Variants in SSH2 observed in about 807,000 individuals in gnomAD.
SSH2 encodes the protein protein phosphatase Slingshot homolog 2.
SSH2 carries 37 observed loss-of-function variants against 135.2 expected under a neutral mutation model. The ratio of observed to expected loss-of-function variants is 0.27; its 90% CI spans 0.21 to 0.36. The LOEUF is 0.36. SSH2 is among the 10% of genes least tolerant of loss of function. SSH2 has a pLI of 1.00. For missense variants in SSH2, 1,408 were observed against 1,765.3 expected, an observed-to-expected ratio of 0.80 and a Z score of 3.63; for synonymous variants, 628 against 646.2, an observed-to-expected ratio of 0.97 and a Z score of 0.43.
chr17:29,856,062 G>C lies in SSH2; in HGVS notation c.64-7133C>G, dbSNP rs533822818. On this transcript the variant is annotated intron_variant, in intron 1 of 15. Transcript: ENST00000540801. ...GCATACTCCTTTCCCCATCAACTTA[G>C]TTATCCAGGAGCATGGGTCTCTTGA... The C allele has an allele frequency of 1.4e-4, 48 of 350,392 alleles. 1 individual carries two copies. The highest frequency in any genetic ancestry group is 1.1e-3 in the South Asian group (47 of 41,742). The allele number at this position is 350,392 out of a possible 1,614,324, so 21.7% of individuals were successfully genotyped here.
chr17:29,742,675 C>T (rs1012075570), intron 3 of SSH2, among the ~76,000 whole-genome samples: 11 of 151,740 alleles, frequency 7.2e-5, no homozygotes, highest in African/African-American at 2.7e-4. Context: ...CACTCTGTCA[C>T]CCAGGCTGGA....
At chr17:29,738,550 A>ATTTTCTTTTTTTTTTTTTTTTTT (rs1567933036) in intron 3 of SSH2, among the ~76,000 whole-genome samples, 4 of 137,372 alleles carry the variant, frequency 2.9e-5, no homozygotes, top group Non-Finnish European at 4.8e-5. Flanking sequence ...TTTCTTTTTT[A>ATTTTCTTTTTTTTTTTTTTTTTT]TTTTATTTTA....
In SSH2 at chr17:29,741,934, CTT is replaced by C. The variant is rs71138848; in HGVS notation, c.189-38874_189-38873del. Among the ~76,000 whole-genome samples, 484 of 97,914 alleles carry C rather than the reference CTT, an allele frequency of 4.9e-3. 1 individual carries two copies. Among genetic ancestry groups the C allele is most frequent in the African/African-American group, 0.017 (423 of 24,802 alleles). The allele number at this position is 97,914 out of a possible 152,430, so 64.2% of individuals were successfully genotyped here. On this transcript the variant is annotated intron_variant, in intron 3 of 15. Transcript: ENST00000540801. ...CCAGCCAGCAATCTCATTTTTTTTT[CTT>C]TTTTTTTTTTTTTTTTTTGATGGAG... is the stretch of plus-strand genomic sequence containing the variant.
At chr17:29,835,078 C>G (rs79227820) in intron 2 of SSH2, among the ~76,000 whole-genome samples, 1 of 152,286 alleles carries the variant, frequency 6.6e-6, no homozygotes, top group African/African-American at 2.4e-5. Context: ...AACCAATCAT[C>G]AGGTAAGATG....
chr17:29,712,992 C>T (rs1444797018), intron 3 of SSH2, among the ~76,000 whole-genome samples: 1 of 152,152 alleles, frequency 6.6e-6, no homozygotes, highest in Non-Finnish European at 1.5e-5. Context: ...GATGTTATTA[C>T]AACAGGACAT....
chr17:29,905,655 C>T (rs1237856276), intron 1 of SSH2, among the ~76,000 whole-genome samples: 3 of 152,178 alleles, frequency 2.0e-5, no homozygotes, highest in Non-Finnish European at 4.4e-5. Flanking sequence ...CAGTGGGAGG[C>T]AGACAGAGTG....
At chr17:29,715,515 G>A (rs1567909269) in intron 3 of SSH2, among the ~76,000 whole-genome samples, 1 of 152,068 alleles carries the variant, frequency 6.6e-6, no homozygotes, top group Non-Finnish European at 1.5e-5. Flanking sequence ...AAAGTGCTGC[G>A]ATTACAGGCG....
At chr17:29,918,006 C>A (rs1254502282) in intron 1 of SSH2, among the ~76,000 whole-genome samples, 1 of 151,870 alleles carries the variant, frequency 6.6e-6, no homozygotes. Context: ...AAAGTGAGAT[C>A]CCCATCTCTA....
At chr17:29,899,483 T>A (rs1171165289) in intron 1 of SSH2, among the ~76,000 whole-genome samples, 3 of 151,868 alleles carry the variant, frequency 2.0e-5, no homozygotes, top group Non-Finnish European at 4.4e-5. Flanking sequence ...TATACACCAA[T>A]AACAGACAAA....
chr17:29,761,887 A>ATATAT (rs1189981277), intron 3 of SSH2, among the ~76,000 whole-genome samples: 1 of 143,602 alleles, frequency 7.0e-6, no homozygotes, highest in African/African-American at 2.7e-5. Context: ...ATATATATAT[A>ATATAT]TTTTTTTTTG....
At chr17:29,716,189 G>A (rs2039616105) in intron 3 of SSH2, 1 of 221,830 alleles carries the variant, frequency 4.5e-6, no homozygotes, top group Non-Finnish European at 9.0e-6. Context: ...GCTTAAGTCT[G>A]GTCTCTCATA....
intron 3 of SSH2, among the ~76,000 whole-genome samples, chr17:29,709,015 T>TATATAGAGAGAGAGAGAGAG (rs780981175): frequency 6.0e-4 from 49 of 81,586 alleles, no homozygotes; most frequent in Non-Finnish European, 8.6e-4. Context: ...TATATATATA[T>TATATAGAGAGAGAGAGAGAG]AGAGAGAGAG....
intron 3 of SSH2, among the ~76,000 whole-genome samples, chr17:29,778,496 C>T (rs969322350): frequency 5.3e-5 from 8 of 151,790 alleles, no homozygotes; most frequent in African/African-American, 1.9e-4. Context: ...AAAAATCAGC[C>T]GGGCATGGTG....
chr17:29,899,074 C>A (rs999818391), intron 1 of SSH2, among the ~76,000 whole-genome samples: 6 of 152,130 alleles, frequency 3.9e-5, no homozygotes, highest in Non-Finnish European at 7.3e-5. Context: ...TGACAAAATT[C>A]AACAACCTTC....
chr17:29,654,188 ATTTACTGAGCACCCTCTTG>A (rs2036691535), intron 12 of SSH2, among the ~76,000 whole-genome samples: 1 of 152,194 alleles, frequency 6.6e-6, no homozygotes, highest in Non-Finnish European at 1.5e-5. Flanking sequence ...ATTCATTCAC[ATTTACTGAGCACCCTCTTG>A]TTATACAGCT....
chr17:29,925,408 T>C (rs1476749962), intron 1 of SSH2: 1 of 397,060 alleles, frequency 2.5e-6, no homozygotes, highest in African/African-American at 2.1e-5. Context: ...CAGTCAATAA[T>C]AATATATTGT....
At chr17:29,749,129 T>C (rs931511927) in intron 3 of SSH2, among the ~76,000 whole-genome samples, 3 of 152,188 alleles carry the variant, frequency 2.0e-5, no homozygotes, top group Non-Finnish European at 2.9e-5. Flanking sequence ...GCTTGATAAA[T>C]GATCTGTGCC....
At chr17:29,652,674 C>A (rs2036625501) in intron 12 of SSH2, among the ~76,000 whole-genome samples, 1 of 151,978 alleles carries the variant, frequency 6.6e-6, no homozygotes, top group Non-Finnish European at 1.5e-5. Context: ...TTTATTTTCC[C>A]CAAGATGGAG....
At chr17:29,763,904 T>C (rs2041382296) in intron 3 of SSH2, among the ~76,000 whole-genome samples, 1 of 151,966 alleles carries the variant, frequency 6.6e-6, no homozygotes, top group Non-Finnish European at 1.5e-5. Flanking sequence ...CACTTTGAAC[T>C]GTAATATAGG....
Sources: allele counts gnomAD v4.1 joint callset (sites outside exome capture counted in the v4.1 genomes callset), GRCh38; gene constraint gnomAD v4.1.1; transcripts MANE v1.5; gene names NCBI Gene and HGNC (gene_info 2026-07-23, HGNC 2026-07-21).